Variants in TTC7B observed in about 807,000 individuals in gnomAD.
TTC7B encodes the protein tetratricopeptide repeat protein 7B.
Under a neutral mutation model 106.8 loss-of-function variants are expected in TTC7B, and 28 were observed. That is an observed-to-expected ratio of 0.26 (90% CI 0.19 to 0.36). TTC7B has a LOEUF of 0.36. Among genes scored for constraint, TTC7B ranks in the 10% least tolerant of loss-of-function variants. The probability of loss-of-function intolerance (pLI) is 1.00; values close to 1 mark genes in which losing one functional copy is unlikely to be tolerated. For missense variants in TTC7B, 862 were observed against 1,076.4 expected (o/e 0.80, Z 2.79); for synonymous variants, 405 against 430.6 (o/e 0.94, Z 0.74).
chr14:90,592,771 C>T (rs1024069470), intron 18 of TTC7B, among the ~76,000 whole-genome samples: 4 of 151,764 alleles, frequency 2.6e-5, no homozygotes, highest in African/African-American at 7.3e-5. Context: ...GCAGAAGCAT[C>T]GCTGAGCCAG....
rs572445033 is a variant in TTC7B at position 90,562,040 on chromosome 14, G to A, written c.2310+16066C>T. Among the ~76,000 whole-genome samples the A allele has an allele frequency of 1.8e-3, 281 of 152,256 alleles. 2 individuals are homozygous for A. The highest frequency in any genetic ancestry group is 6.6e-3 in the African/African-American group (274 of 41,542). On this transcript the variant is annotated intron_variant, in intron 19 of 19. Transcript: ENST00000328459. ...CTCTCTGGAATTTATATCTCAGGCAGTCTTGTCTCCTCCCATAGCTTCGGG... is the reference window on the plus strand; with the variant it reads ...CTCTCTGGAATTTATATCTCAGGCAATCTTGTCTCCTCCCATAGCTTCGGG...
chr14:90,637,011 A>G (rs1285879910), intron 15 of TTC7B, among the ~76,000 whole-genome samples: 1 of 151,548 alleles, frequency 6.6e-6, no homozygotes, highest in Non-Finnish European at 1.5e-5. Context: ...GAACTTAGAG[A>G]AAACAGAAGA....
At chr14:90,789,351 G>T (rs1014660631) in intron 1 of TTC7B, among the ~76,000 whole-genome samples, 1 of 152,076 alleles carries the variant, frequency 6.6e-6, no homozygotes, top group African/African-American at 2.4e-5. Flanking sequence ...GCCTGACTTG[G>T]CCTCCCCAAG....
intron 18 of TTC7B, among the ~76,000 whole-genome samples, chr14:90,588,682 A>T (rs1301280813): frequency 2.0e-5 from 3 of 152,210 alleles, no homozygotes; most frequent in Non-Finnish European, 4.4e-5. Context: ...GGGCTCCCAC[A>T]TTGTAAAAAT....
At chr14:90,556,756 C>T (rs932344682) in intron 19 of TTC7B, among the ~76,000 whole-genome samples, 6 of 152,150 alleles carry the variant, frequency 3.9e-5, no homozygotes, top group Admixed American at 3.9e-4. Flanking sequence ...TGCCCCAGGC[C>T]ATGTGCGCCA....
In TTC7B at chr14:90,663,025, C is replaced by T. The variant is rs1456202459; in HGVS notation, c.1153-4638G>A. Reference sequence around the variant, plus strand: ...AGGGCACAACTTTACAGAACTGGACCGGAATGTACGCTTATTCTTTATTAC... The same window carrying T: ...AGGGCACAACTTTACAGAACTGGACTGGAATGTACGCTTATTCTTTATTAC... On this transcript the variant is annotated intron_variant, in intron 9 of 19. Transcript: ENST00000328459. The surrounding 1 kb of genome is among the most constrained non-coding windows in gnomAD (Gnocchi z 4.5). Among the ~76,000 whole-genome samples, 6 of 152,294 alleles carry T rather than the reference C, an allele frequency of 3.9e-5. No individual in the cohort carries two copies. The East Asian group carries it at 1.2e-3, about 29-fold the overall frequency.
At position 90,701,620 on chromosome 14, in the gene TTC7B, C is replaced by T. The variant is rs191114190; in HGVS notation, c.699-6042G>A. Among the ~76,000 whole-genome samples the T allele has an allele frequency of 5.9e-5, 9 of 151,926 alleles. No individual in the cohort carries two copies. In the East Asian group the frequency reaches 1.4e-3, roughly 23 times the overall value. On this transcript the variant is annotated intron_variant, in intron 5 of 19. Transcript: ENST00000328459. ...AACAGGAAGTGTAGAAAGCCTTGCCCCATCTCACATCCTTCCTTTCAACCT... is the reference window on the plus strand; with the variant it reads ...AACAGGAAGTGTAGAAAGCCTTGCCTCATCTCACATCCTTCCTTTCAACCT...
intron 2 of TTC7B, among the ~76,000 whole-genome samples, chr14:90,783,702 C>T (rs965143555): frequency 2.0e-5 from 3 of 152,022 alleles, no homozygotes; most frequent in South Asian, 2.1e-4. Flanking sequence ...TTTCGGAGGC[C>T]GACGCAGGCA....
intron 5 of TTC7B, among the ~76,000 whole-genome samples, chr14:90,702,787 C>T (rs1303041898): frequency 6.6e-6 from 1 of 152,182 alleles, no homozygotes; most frequent in African/African-American, 2.4e-5. Context: ...TCTCTGGGGC[C>T]TTGTGGTCAC....
intron 19 of TTC7B, among the ~76,000 whole-genome samples, chr14:90,542,413 T>TA (rs978165431): frequency 6.6e-6 from 1 of 152,140 alleles, no homozygotes; most frequent in African/African-American, 2.4e-5. Context: ...GGTTGGGGTG[T>TA]ACCCGTGGGT....
In TTC7B at chr14:90,737,551, T is replaced by C. The variant is rs1441268104; in HGVS notation, c.576+7241A>G. Among the ~76,000 whole-genome samples, 171 of 126,166 alleles carry C rather than the reference T, an allele frequency of 1.4e-3. 3 individuals carry two copies. Among genetic ancestry groups the C allele is most frequent in the African/African-American group, 4.7e-3 (166 of 35,690 alleles). 82.8% of individuals were successfully genotyped at this position (126,166 alleles called of 152,430 possible). On this transcript the variant is annotated intron_variant, in intron 4 of 19. Coordinates refer to ENST00000328459, the MANE Select transcript of TTC7B (RefSeq NM_001010854.2). ...ATCATATATTGTATGATTCTGTTTT[T>C]TTTTTTTTTTTTTTTTTTTTGAGAT...
chr14:90,588,627 C>G (rs931802553), intron 18 of TTC7B, among the ~76,000 whole-genome samples: 2 of 152,182 alleles, frequency 1.3e-5, no homozygotes, highest in Admixed American at 6.5e-5. Flanking sequence ...GCTCTCCTGA[C>G]TTCTGCATAG....
chr14:90,641,959 G>C (rs931476316), intron 15 of TTC7B, among the ~76,000 whole-genome samples: 1 of 151,618 alleles, frequency 6.6e-6, no homozygotes, highest in Non-Finnish European at 1.5e-5. Flanking sequence ...GTGTGTGTGT[G>C]TGTTGGAGGG....
intron 19 of TTC7B, among the ~76,000 whole-genome samples, chr14:90,576,993 A>G (rs1367551339): frequency 6.6e-6 from 1 of 152,164 alleles, no homozygotes; most frequent in Non-Finnish European, 1.5e-5. Context: ...GAGGTTAAAG[A>G]GCAAGCAGCT....
intron 15 of TTC7B, among the ~76,000 whole-genome samples, chr14:90,630,371 G>A (rs1411524660): frequency 6.6e-6 from 1 of 152,138 alleles, no homozygotes; most frequent in Non-Finnish European, 1.5e-5. Context: ...TGCAGAGCCG[G>A]AGAATCTCAA....
intron 1 of TTC7B, among the ~76,000 whole-genome samples, chr14:90,790,083 T>C (rs1891533344): frequency 6.6e-6 from 1 of 152,082 alleles, no homozygotes; most frequent in Non-Finnish European, 1.5e-5. Flanking sequence ...GGGGATATCA[T>C]ATTGGACAGC....
chr14:90,665,653 AC>A (rs1368873386), intron 9 of TTC7B, among the ~76,000 whole-genome samples: 1 of 152,176 alleles, frequency 6.6e-6, no homozygotes, highest in Non-Finnish European at 1.5e-5. Flanking sequence ...ATAATCAGAT[AC>A]CCCTCAAATT....
At chr14:90,816,143 C>G (rs1442441929) in intron 1 of TTC7B, 32 bp downstream of exon 1, 4 of 1,143,528 alleles carry the variant, frequency 3.5e-6, no homozygotes, top group Admixed American at 5.6e-5. Flanking sequence ...GCGGCGCCCC[C>G]CGCAGCCCAG....
At chr14:90,811,341 G>C (rs2030891267) in intron 1 of TTC7B, among the ~76,000 whole-genome samples, 1 of 152,216 alleles carries the variant, frequency 6.6e-6, no homozygotes, top group Non-Finnish European at 1.5e-5. Context: ...CCAGGAGTCT[G>C]TGATGCCCCA....
Sources: gnomAD v4.1 joint callset for allele counts (sites outside exome capture counted in the v4.1 genomes callset) on GRCh38, gnomAD v4.1.1 for gene constraint, Gnocchi (gnomAD v3.1) non-coding constraint, MANE v1.5 for transcripts, NCBI Gene and HGNC (gene_info 2026-07-23, HGNC 2026-07-21) for gene names.